SAMD12: variants seen among roughly 807,000 people sequenced by gnomAD.
SAMD12 encodes the protein sterile alpha motif domain-containing protein 12.
A neutral mutation model predicts 15.0 loss-of-function variants in SAMD12; 9 were observed. The ratio of observed to expected loss-of-function variants is 0.60; its 90% CI spans 0.36 to 1.05. The LOEUF is 1.05. Ranked by LOEUF, SAMD12 falls within the 50% of genes least tolerant of loss-of-function variation. SAMD12 has a pLI of 0.01. For missense variants in SAMD12, 230 were observed against 234.2 expected, an observed-to-expected ratio of 0.98 and a Z score of 0.12; for synonymous variants, 86 against 90.1, an observed-to-expected ratio of 0.96 and a Z score of 0.25.
At chr8:118,352,018 T>C (rs1170846206) in intron 4 of SAMD12, among the ~76,000 whole-genome samples, 2 of 152,242 alleles carry the variant, frequency 1.3e-5, no homozygotes, top group Non-Finnish European at 2.9e-5. Flanking sequence ...TGAGTTGATT[T>C]CTGTTCCTTG....
intron 4 of SAMD12, among the ~76,000 whole-genome samples, chr8:118,285,988 T>TAA (rs369689262): frequency 1.3e-5 from 2 of 152,076 alleles, no homozygotes; most frequent in African/African-American, 4.8e-5. Flanking sequence ...TATGCAGCCA[T>TAA]AAAAAATGAT....
At chr8:118,212,391 G>A (rs1195869009) in intron 4 of SAMD12, among the ~76,000 whole-genome samples, 1 of 152,052 alleles carries the variant, frequency 6.6e-6, no homozygotes, top group Admixed American at 6.6e-5. Flanking sequence ...CCCGCATCAG[G>A]CATAATTATT....
At chr8:118,270,277 A>G (rs192018708) in intron 4 of SAMD12, among the ~76,000 whole-genome samples, 2 of 152,316 alleles carry the variant, frequency 1.3e-5, no homozygotes, top group African/African-American at 4.8e-5. Context: ...TGGGGGTGGA[A>G]GAGTAGACTA....
intron 3 of SAMD12, among the ~76,000 whole-genome samples, chr8:118,390,997 C>A (rs1001147460): frequency 8.5e-5 from 13 of 152,070 alleles, no homozygotes; most frequent in Non-Finnish European, 1.6e-4. Flanking sequence ...TATTACAGTG[C>A]TTTTCAAACA....
At chr8:118,547,158 A>T (rs1826154516) in intron 2 of SAMD12, among the ~76,000 whole-genome samples, 1 of 152,118 alleles carries the variant, frequency 6.6e-6, no homozygotes, top group African/African-American at 2.4e-5. Context: ...CGAGCTTGCC[A>T]CTCGTGACCA....
At chr8:118,495,634 T>C (rs948146477) in intron 2 of SAMD12, among the ~76,000 whole-genome samples, 1 of 151,884 alleles carries the variant, frequency 6.6e-6, no homozygotes, top group East Asian at 1.9e-4. Context: ...GCTGCCTGGA[T>C]GAACTCCACG....
chr8:118,138,651 A>G, the SAMD12 span, among the ~76,000 whole-genome samples: 1 of 152,230 alleles, frequency 6.6e-6, no homozygotes, highest in African/African-American at 2.4e-5. Context: ...TAGAAGCCTG[A>G]ATGGACTAAG....
At chr8:118,384,007 T>C (rs767555137) in intron 3 of SAMD12, among the ~76,000 whole-genome samples, 2 of 151,932 alleles carry the variant, frequency 1.3e-5, no homozygotes, top group Non-Finnish European at 2.9e-5. Flanking sequence ...AAAAGCAGAA[T>C]GAAGGGGCAG....
At chr8:118,155,230 C>A in the SAMD12 span, among the ~76,000 whole-genome samples, 1 of 151,958 alleles carries the variant, frequency 6.6e-6, no homozygotes, top group Non-Finnish European at 1.5e-5. Context: ...TCTATTAAGT[C>A]CTGGGTAGGA....
At chr8:118,342,616 CAAAGG>C (rs568184530) in intron 4 of SAMD12, among the ~76,000 whole-genome samples, 56 of 152,206 alleles carry the variant, frequency 3.7e-4, no homozygotes, top group African/African-American at 1.1e-3. Context: ...CTTAATGCCC[CAAAGG>C]AAAGAAAAAC....
chr8:118,431,522 A>AT lies in SAMD12; in HGVS notation c.322+8309dup, dbSNP rs796623342. ...AATTTTATTGGATATAGAATTGGTC[A>AT]TTTTTTTTTTGTTTCAACCCTTTAA... On this transcript the variant is annotated intron_variant, in intron 3 of 3. Transcript: ENST00000314727. Among the ~76,000 whole-genome samples, 500 of 147,214 alleles carry AT rather than the reference A, an allele frequency of 3.4e-3. 1 individual carries two copies. The highest frequency in any genetic ancestry group is 0.011 in the African/African-American group (447 of 40,254).
chr8:118,204,087 G>T (rs915454242), intron 4 of SAMD12, among the ~76,000 whole-genome samples: 1 of 151,952 alleles, frequency 6.6e-6, no homozygotes, highest in African/African-American at 2.4e-5. Context: ...CATTTTATGT[G>T]ATTTTATATT....
chr8:118,336,681 C>CCT (rs1318234685), intron 4 of SAMD12, among the ~76,000 whole-genome samples: 1 of 152,204 alleles, frequency 6.6e-6, no homozygotes, highest in Non-Finnish European at 1.5e-5. Context: ...CTCTCCAGCA[C>CCT]CTGTTGTTTC....
At chr8:118,245,376 C>G (rs1295360170) in intron 4 of SAMD12, among the ~76,000 whole-genome samples, 1 of 152,012 alleles carries the variant, frequency 6.6e-6, no homozygotes. Context: ...TTAGGCCTAC[C>G]GGTAATATAG....
the SAMD12 span, among the ~76,000 whole-genome samples, chr8:118,171,029 T>C: frequency 6.6e-6 from 1 of 152,142 alleles, no homozygotes; most frequent in Non-Finnish European, 1.5e-5. Flanking sequence ...AATAGACATT[T>C]CTCCAAGGAA....
intron 4 of SAMD12, among the ~76,000 whole-genome samples, chr8:118,303,113 A>T (rs1483011234): frequency 1.3e-5 from 2 of 152,228 alleles, no homozygotes; most frequent in African/African-American, 2.4e-5. Context: ...CTTACAAAAG[A>T]TATGTTTTCA....
In SAMD12 at chr8:118,233,628, G is replaced by A. The variant is rs183642645; in HGVS notation, c.434-35896C>T. On this transcript the variant is annotated intron_variant, in intron 4 of 4. Coordinates refer to the SAMD12 transcript ENST00000409003. Reference sequence around the variant, plus strand: ...GCTTGGGATAGTGTCTGGCTTTTAGGAGAATCCCATCCAATGGCATCTCCT... The same window carrying A: ...GCTTGGGATAGTGTCTGGCTTTTAGAAGAATCCCATCCAATGGCATCTCCT... Among the ~76,000 whole-genome samples, 3 of 152,230 alleles carry A rather than the reference G, an allele frequency of 2.0e-5. No homozygotes were observed. In the East Asian group the frequency reaches 5.8e-4, roughly 29 times the overall value.
the SAMD12 span, among the ~76,000 whole-genome samples, chr8:118,135,707 T>C: frequency 1.3e-5 from 2 of 152,138 alleles, no homozygotes; most frequent in South Asian, 4.1e-4. Context: ...CATGCCCAGC[T>C]AATTTTTTAA....
At chr8:118,579,192 T>C (rs1827222857) in intron 2 of SAMD12, among the ~76,000 whole-genome samples, 1 of 145,802 alleles carries the variant, frequency 6.9e-6, no homozygotes, top group South Asian at 2.2e-4. Context: ...CAAATATCAA[T>C]AGTTAACTTT....
Sources: allele counts gnomAD v4.1 joint callset (sites outside exome capture counted in the v4.1 genomes callset), GRCh38; gene constraint gnomAD v4.1.1; transcripts MANE v1.5; gene names NCBI Gene and HGNC (gene_info 2026-07-23, HGNC 2026-07-21).